Variants in ATIC observed in about 807,000 individuals in gnomAD.
ATIC encodes 5-aminoimidazole-4-carboxamide ribonucleotide formyltransferase/IMP cyclohydrolase.
Under a neutral mutation model 72.5 loss-of-function variants are expected in ATIC, and 64 were observed. The ratio of observed to expected loss-of-function variants is 0.88; its 90% CI spans 0.72 to 1.09. The LOEUF is 1.09. Among genes scored for constraint, ATIC ranks in the 50% least tolerant of loss-of-function variants. The pLI is 0.00. For synonymous variants in ATIC, 281 were observed against 267.1 expected (o/e 1.05, Z -0.51); for missense variants, 787 against 732.4 (o/e 1.07, Z -0.86).
At position 215,336,139 on chromosome 2, in the gene ATIC, T is replaced by A. The variant is rs369704689; in HGVS notation, c.1098+15T>A. On this transcript the variant is annotated intron_variant, in intron 11 of 15. Coordinates refer to ENST00000236959, the MANE Select transcript of ATIC (RefSeq NM_004044.7). ...GTGTCCTTCAGGTGAGTGCAATTCA[T>A]GTTTGAAGCGGTAATTTGCTCTTTT... is the stretch of plus-strand genomic sequence containing the variant. The A allele has an allele frequency of 6.3e-6, 10 of 1,578,012 alleles. No homozygotes were observed. The highest frequency in any genetic ancestry group is 8.7e-6 in the Non-Finnish European group (10 of 1,147,552).
At chr2:215,328,274 CG>C (rs140437767) in intron 7 of ATIC, among the ~76,000 whole-genome samples, 30,946 of 151,848 alleles carry the variant, frequency 0.2, 3,445 homozygotes, top group East Asian at 0.49. Context: ...TGTTTTCTCT[CG>C]GCCTTTCTGG....
chr2:215,368,004 T>C, the ATIC span: 1 of 1,614,148 alleles, frequency 6.2e-7, no homozygotes, highest in Non-Finnish European at 8.5e-7. Context: ...GAGTCATCCG[T>C]AGGTTGGTTC....
chr2:215,352,575 C>G (rs2053138473), downstream of ATIC, among the ~76,000 whole-genome samples: 1 of 121,242 alleles, frequency 8.2e-6, no homozygotes, highest in East Asian at 2.7e-4. Context: ...GAGCAAGACT[C>G]CATCTCAAGA....
chr2:215,315,483 A>T (rs545679058), intron 2 of ATIC, among the ~76,000 whole-genome samples: 4 of 152,084 alleles, frequency 2.6e-5, no homozygotes, highest in African/African-American at 7.2e-5. Context: ...CAGCCTCCTG[A>T]GTATCTGGGA....
Position 215,312,596 on chromosome 2 carries a change from GCT to G in ATIC, c.122_123del (p.Leu41GlnfsTer12). 1 of 1,614,246 alleles carries G rather than the reference GCT, an allele frequency of 6.2e-7. No individual in the cohort carries two copies. Among genetic ancestry groups the G allele is most frequent in the Non-Finnish European group, 8.5e-7 (1 of 1,180,030 alleles). ...GGTCGCTTCCGGAGGGACTGCAAAA[GCT>G]CTCAGGGATGCTGGTCTGGCAGTCA... is the stretch of plus-strand genomic sequence containing the variant. Reference protein sequence around the residue: ...NLVASGGTAKALRDAGLAVRD... With the variant: ...NLVASGGTAKXLRDAGLAVRD... On this transcript the variant is annotated frameshift_variant, in exon 2 of 16. Coordinates refer to ENST00000236959, the MANE Select transcript of ATIC (RefSeq NM_004044.7). LOFTEE classifies it high-confidence loss of function.
intron 2 of ATIC, among the ~76,000 whole-genome samples, chr2:215,315,885 G>A (rs2052703141): frequency 6.6e-6 from 1 of 151,918 alleles, no homozygotes; most frequent in South Asian, 2.1e-4. Context: ...AACCCAGGAG[G>A]TGGAGGTTGC....
At chr2:215,314,404 A>G (rs2052687270) in intron 2 of ATIC, among the ~76,000 whole-genome samples, 2 of 152,220 alleles carry the variant, frequency 1.3e-5, no homozygotes, top group Admixed American at 1.3e-4. Context: ...TTTTTAGTTT[A>G]GGTAGTGTTA....
intron 10 of ATIC, 146 bp downstream of exon 10, chr2:215,335,150 TAG>T: frequency 2.3e-6 from 1 of 439,702 alleles, no homozygotes; most frequent in Non-Finnish European, 3.8e-6. Context: ...ATATTTTAAA[TAG>T]AACATTAATC....
At chr2:215,339,801 ATT>A (rs1229710545) in intron 12 of ATIC, among the ~76,000 whole-genome samples, 1 of 151,258 alleles carries the variant, frequency 6.6e-6, no homozygotes, top group Non-Finnish European at 1.5e-5. Context: ...CGCCTGGCTA[ATT>A]TTTTTTGTAT....
At chr2:215,350,958 T>G (rs1402410568), downstream of ATIC, among the ~76,000 whole-genome samples, 1 of 152,226 alleles carries the variant, frequency 6.6e-6, no homozygotes, top group Non-Finnish European at 1.5e-5. Context: ...TATTTCTGGT[T>G]AAGCTAATCT....
Position 215,322,031 on chromosome 2 carries a change from G to C in ATIC, c.290+2300G>C, listed in dbSNP as rs561097482. Reference sequence around the variant, plus strand: ...CGATTCTGCCTCAGTCTCATGAGTAGCTGGGGTTACAGGTGCCCGCCACCA... The same window carrying C: ...CGATTCTGCCTCAGTCTCATGAGTACCTGGGGTTACAGGTGCCCGCCACCA... On this transcript the variant is annotated intron_variant, in intron 4 of 15. Coordinates refer to ENST00000236959, the MANE Select transcript of ATIC (RefSeq NM_004044.7). Among the ~76,000 whole-genome samples the C allele has an allele frequency of 5.8e-4, 88 of 152,048 alleles. 1 individual carries two copies. The highest frequency in any genetic ancestry group is 3.4e-3 in the Middle Eastern group (1 of 292).
Position 215,342,659 on chromosome 2 carries a change from T to G in ATIC, c.1228-2120T>G, listed in dbSNP as rs867051331. On this transcript the variant is annotated intron_variant, in intron 12 of 15. Coordinates refer to ENST00000236959, the MANE Select transcript of ATIC (RefSeq NM_004044.7). ...TTCATCGTGCATTCATGTACAGTTT[T>G]TGTGTGTTTGTGTGAGCATAAGGTT... Among the ~76,000 whole-genome samples, 15 of 152,270 alleles carry G rather than the reference T, an allele frequency of 9.9e-5. No homozygotes were observed. The South Asian group carries it at 1.7e-3, about 17-fold the overall frequency.
intron 12 of ATIC, among the ~76,000 whole-genome samples, chr2:215,339,248 A>G (rs1046846295): frequency 6.6e-6 from 1 of 152,220 alleles, no homozygotes; most frequent in Non-Finnish European, 1.5e-5. Flanking sequence ...TGCTGGGTGC[A>G]GTAGCTGACA....
chr2:215,361,333 C>T, the ATIC span: 1 of 574,048 alleles, frequency 1.7e-6, no homozygotes, highest in Admixed American at 3.0e-5. Context: ...TACTTCGAAG[C>T]AGAACAGGCA....
intron 14 of ATIC, 24 bp from the exon 15 acceptor site, chr2:215,349,070 C>T (rs932383781): frequency 6.2e-7 from 1 of 1,613,896 alleles, no homozygotes; most frequent in Admixed American, 1.7e-5. Context: ...GACCAAGCTT[C>T]TTCCTTTCTC....
downstream of ATIC, among the ~76,000 whole-genome samples, chr2:215,354,032 T>C (rs1319084156): frequency 6.6e-6 from 1 of 151,918 alleles, no homozygotes; most frequent in African/African-American, 2.4e-5. Context: ...TCAGGAAACT[T>C]TTTTTTTGAG....
chr2:215,328,426 A>G (rs1167510827), intron 7 of ATIC, among the ~76,000 whole-genome samples: 1 of 151,916 alleles, frequency 6.6e-6, no homozygotes, highest in Non-Finnish European at 1.5e-5. Context: ...CTGCCCCCTC[A>G]GCAGCTCTCC....
chr2:215,365,461 G>A, the ATIC span: 4 of 1,598,378 alleles, frequency 2.5e-6, no homozygotes, highest in African/African-American at 2.7e-5. Flanking sequence ...TAATGAAAGT[G>A]AGAATGCTTA....
chr2:215,332,580 A>G, intron 8 of ATIC, 73 bp downstream of exon 8: 1 of 1,571,338 alleles, frequency 6.4e-7, no homozygotes, highest in Non-Finnish European at 8.6e-7. Context: ...TTGAATATTA[A>G]CAAGTTCTAA....
Sources: allele counts gnomAD v4.1 joint callset (sites outside exome capture counted in the v4.1 genomes callset), GRCh38; gene constraint gnomAD v4.1.1; transcripts MANE v1.5; gene names NCBI Gene and HGNC (gene_info 2026-07-23, HGNC 2026-07-21).